The following GLIS3 variants were observed in gnomAD, a reference collection of about 807,000 sequenced individuals.
GLIS3 encodes GLIS family zinc finger 3, also known as zinc finger protein GLIS3.
In GLIS3, 53 loss-of-function variants were observed where a neutral mutation model predicts 78.6. That is an observed-to-expected ratio of 0.67 (90% CI 0.54 to 0.85). The LOEUF (loss-of-function observed/expected upper bound fraction) is 0.85, where lower values mean the gene tolerates loss of function less well. Among genes scored for constraint, GLIS3 ranks in the 40% least tolerant of loss-of-function variants. GLIS3 has a pLI of 0.00. For synonymous variants in GLIS3, 684 were observed against 509.9 expected, an observed-to-expected ratio of 1.34 and a Z score of -4.60; for missense variants, 1,703 against 1,231.1, an observed-to-expected ratio of 1.38 and a Z score of -5.74.
At chr9:4,346,996 G>A (rs1307379294) in intron 2 of GLIS3, 1 of 151,996 alleles carries the variant, frequency 6.6e-6, no homozygotes, top group Non-Finnish European at 1.5e-5. Context: ...TCAGGCAATA[G>A]CTGTGTCTTA....
intron 2 of GLIS3, among the ~76,000 whole-genome samples, chr9:4,144,069 G>T (rs942343882): frequency 2.6e-5 from 4 of 152,138 alleles, no homozygotes; most frequent in African/African-American, 9.7e-5. Context: ...GGGAGGGTGG[G>T]ACGACAGGGC....
At chr9:3,936,898 A>G in intron 5 of GLIS3, 130 bp downstream of exon 5, 2 of 1,256,636 alleles carry the variant, frequency 1.6e-6, no homozygotes, top group Non-Finnish European at 2.3e-6. Context: ...ACCAGGCTCC[A>G]CTGCTGCCCT....
chr9:3,956,967 G>A (rs571559966), intron 4 of GLIS3, among the ~76,000 whole-genome samples: 52 of 152,278 alleles, frequency 3.4e-4, no homozygotes, highest in African/African-American at 1.0e-3. Flanking sequence ...CTGGCAAATC[G>A]TCTAAGAGCT....
At chr9:4,144,874 AT>A (rs778780658) in intron 2 of GLIS3, 8 of 152,268 alleles carry the variant, frequency 5.3e-5, no homozygotes, top group Non-Finnish European at 8.8e-5. Flanking sequence ...TCTGGGAAAT[AT>A]TTAAGCAAGA....
intron 2 of GLIS3, among the ~76,000 whole-genome samples, chr9:4,182,069 C>A (rs949167872): frequency 2.6e-5 from 4 of 152,130 alleles, no homozygotes; most frequent in African/African-American, 9.7e-5. Context: ...TCTTTAAGTA[C>A]ACCTATGTTG....
At chr9:3,941,807 T>C (rs962218515) in intron 4 of GLIS3, among the ~76,000 whole-genome samples, 2 of 152,248 alleles carry the variant, frequency 1.3e-5, no homozygotes, top group African/African-American at 2.4e-5. Flanking sequence ...GTTTAAGTTA[T>C]TGCAAACCTA....
chr9:4,112,900 A>T (rs1426718129), intron 4 of GLIS3, among the ~76,000 whole-genome samples: 1 of 152,112 alleles, frequency 6.6e-6, no homozygotes, highest in Admixed American at 6.6e-5. Flanking sequence ...AAGAGAAAGT[A>T]AAACCCTCAC....
At chr9:4,407,205 T>C in the GLIS3 span, among the ~76,000 whole-genome samples, 2 of 152,210 alleles carry the variant, frequency 1.3e-5, no homozygotes, top group African/African-American at 2.4e-5. Flanking sequence ...AGATAGTCTC[T>C]TCAATAAGTG....
the GLIS3 span, among the ~76,000 whole-genome samples, chr9:4,417,576 T>A: frequency 1.3e-5 from 2 of 152,232 alleles, no homozygotes; most frequent in South Asian, 4.1e-4. Context: ...AATGTTGTAA[T>A]GAACATTCCT....
intron 2 of GLIS3, among the ~76,000 whole-genome samples, chr9:4,133,506 A>C (rs1259109002): frequency 2.0e-5 from 3 of 152,176 alleles, no homozygotes; most frequent in Non-Finnish European, 4.4e-5. Context: ...AACAGTACAT[A>C]ACACAGTAGC....
At chr9:3,853,092 G>A (rs963674374) in intron 9 of GLIS3, among the ~76,000 whole-genome samples, 2 of 152,260 alleles carry the variant, frequency 1.3e-5, no homozygotes, top group South Asian at 4.1e-4. Flanking sequence ...TGTGCCTGCA[G>A]TCTCGGCTGC....
the GLIS3 span, among the ~76,000 whole-genome samples, chr9:4,391,838 G>A: frequency 2.0e-5 from 3 of 152,122 alleles, no homozygotes; most frequent in Non-Finnish European, 4.4e-5. Flanking sequence ...GGAAGACAAT[G>A]TGGCGATTCC....
At chr9:4,062,746 C>A (rs565681202) in intron 4 of GLIS3, among the ~76,000 whole-genome samples, 6 of 151,946 alleles carry the variant, frequency 3.9e-5, no homozygotes, top group Non-Finnish European at 8.8e-5. Context: ...GCTAACACAG[C>A]GAAACCCCAT....
At chr9:4,311,577 C>A (rs1382438222) in intron 2 of GLIS3, among the ~76,000 whole-genome samples, 2 of 152,134 alleles carry the variant, frequency 1.3e-5, no homozygotes, top group Admixed American at 1.3e-4. Flanking sequence ...CCCTCCCAAG[C>A]CAGAATAACT....
chr9:3,910,859 A>C (rs1482743313), intron 6 of GLIS3, among the ~76,000 whole-genome samples: 1 of 152,218 alleles, frequency 6.6e-6, no homozygotes, highest in Non-Finnish European at 1.5e-5. Context: ...GTCACTTACT[A>C]AAACATCAGT....
intron 2 of GLIS3, among the ~76,000 whole-genome samples, chr9:4,328,108 C>T (rs1361601019): frequency 6.6e-6 from 1 of 152,164 alleles, no homozygotes; most frequent in East Asian, 1.9e-4. Context: ...ACGTGGCCCA[C>T]TGATGGAAAA....
rs376225636 is a variant in GLIS3 at position 4,117,960 on chromosome 9, G to C, written c.1518C>G (p.Asp506Glu). ...IGGKHCCRWIDCSALYDQQEE... is the reference protein window; with the variant it reads ...IGGKHCCRWIECSALYDQQEE... ...CCTGCTGGTCGTACAGGGCGCTGCA[G>C]TCGATCCAGCGGCAGCAATGCTTGC... Residue 506 changes from aspartate to glutamate, a missense_variant, in exon 4 of 11, where the codon GAC (aspartate) becomes GAG (glutamate). By Grantham distance (45) the Asp-to-Glu change is conservative. Coordinates refer to ENST00000381971, the MANE Select transcript of GLIS3 (RefSeq NM_001042413.2). 4.2e-5 allele frequency: 67 copies of C among 1,613,824 alleles called. No homozygotes were observed. The highest frequency in any genetic ancestry group is 5.3e-5 in the Non-Finnish European group (62 of 1,180,024).
intron 2 of GLIS3, among the ~76,000 whole-genome samples, chr9:4,262,033 T>C (rs1366700304): frequency 6.6e-6 from 1 of 152,122 alleles, no homozygotes; most frequent in East Asian, 1.9e-4. Flanking sequence ...CATATTTTCA[T>C]GGAGAGGAAA....
the GLIS3 span, among the ~76,000 whole-genome samples, chr9:4,456,873 C>T: frequency 6.6e-6 from 1 of 151,994 alleles, no homozygotes; most frequent in East Asian, 1.9e-4. Flanking sequence ...TCATGGTATC[C>T]CAAAACAATT....
Sources: gnomAD v4.1 joint callset for allele counts (sites outside exome capture counted in the v4.1 genomes callset) on GRCh38, gnomAD v4.1.1 for gene constraint, MANE v1.5 for transcripts, NCBI Gene and HGNC (gene_info 2026-07-23, HGNC 2026-07-21) for gene names.